The following CNTNAP2 variants were observed in gnomAD, a reference collection of about 807,000 sequenced individuals.
The protein encoded by CNTNAP2 is contactin-associated protein-like 2.
In CNTNAP2, 98 loss-of-function variants were observed where a neutral mutation model predicts 155.2. The observed-to-expected ratio is 0.63, with a 90% CI of 0.54 to 0.75. The LOEUF is 0.75. CNTNAP2 is among the 30% of genes least tolerant of loss of function. The pLI is 0.00. For synonymous variants in CNTNAP2, 651 were observed against 631.2 expected, an observed-to-expected ratio of 1.03 and a Z score of -0.47; for missense variants, 1,727 against 1,688.1, an observed-to-expected ratio of 1.02 and a Z score of -0.40.
At chr7:147,453,584 A>T (rs1268980734) in intron 10 of CNTNAP2, among the ~76,000 whole-genome samples, 1 of 152,190 alleles carries the variant, frequency 6.6e-6, no homozygotes, top group Non-Finnish European at 1.5e-5. Context: ...TCTACATTTC[A>T]AAAGAGAATA....
chr7:148,413,404 ATATATAT>A (rs1563079431), intron 23 of CNTNAP2, among the ~76,000 whole-genome samples: 1,069 of 24,586 alleles, frequency 0.043, 198 homozygotes, highest in African/African-American at 0.11. Context: ...AAAAAAAAAT[ATATATAT>A]ATATATATAT....
At chr7:147,433,488 G>T (rs1797498614) in intron 10 of CNTNAP2, among the ~76,000 whole-genome samples, 1 of 152,146 alleles carries the variant, frequency 6.6e-6, no homozygotes, top group Non-Finnish European at 1.5e-5. Context: ...CAACTTCTTG[G>T]TGATAAGAGT....
intron 22 of CNTNAP2, among the ~76,000 whole-genome samples, chr7:148,406,040 GGAT>G (rs1563076090): frequency 6.6e-6 from 1 of 151,938 alleles, no homozygotes; most frequent in East Asian, 2.0e-4. Context: ...AGACCATCTT[GGAT>G]AACACGGTGA....
chr7:146,911,422 A>G (rs887925884), intron 3 of CNTNAP2, among the ~76,000 whole-genome samples: 79 of 152,018 alleles, frequency 5.2e-4, no homozygotes, highest in Admixed American at 4.9e-3. Context: ...TCCAACAATG[A>G]TAGACTGGAT....
At chr7:146,939,404 A>G (rs991115611) in intron 3 of CNTNAP2, among the ~76,000 whole-genome samples, 2 of 152,198 alleles carry the variant, frequency 1.3e-5, no homozygotes, top group African/African-American at 4.8e-5. Context: ...CCTCTCATCC[A>G]TTTGTGAGCA....
chr7:146,829,321 T>C (rs900096300), intron 2 of CNTNAP2, among the ~76,000 whole-genome samples: 1 of 151,986 alleles, frequency 6.6e-6, no homozygotes, highest in African/African-American at 2.4e-5. Flanking sequence ...TGTCTGGATA[T>C]TATCAGCACT....
intron 3 of CNTNAP2, among the ~76,000 whole-genome samples, chr7:146,906,309 G>C (rs1796125181): frequency 6.6e-6 from 1 of 152,230 alleles, no homozygotes; most frequent in Admixed American, 6.5e-5. Flanking sequence ...CACAGCTCAA[G>C]GAGGCCTGGC....
intron 9 of CNTNAP2, among the ~76,000 whole-genome samples, chr7:147,347,440 GCATATA>G (rs1795888306): frequency 4.6e-5 from 1 of 21,526 alleles, no homozygotes. Flanking sequence ...ATATATATAT[GCATATA>G]TATATATATG....
At chr7:146,898,544 G>A (rs1049571033) in intron 3 of CNTNAP2, among the ~76,000 whole-genome samples, 6 of 151,616 alleles carry the variant, frequency 4.0e-5, no homozygotes, top group Non-Finnish European at 8.8e-5. Flanking sequence ...TAAGGAAATG[G>A]CATCTATTGT....
chr7:148,342,268 A>G (rs893227361), intron 21 of CNTNAP2, among the ~76,000 whole-genome samples: 1 of 152,216 alleles, frequency 6.6e-6, no homozygotes, highest in Non-Finnish European at 1.5e-5. Context: ...TGCCACTTTC[A>G]TCATTTTAAA....
chr7:146,659,311 C>T (rs1205971114), intron 1 of CNTNAP2, among the ~76,000 whole-genome samples: 1 of 152,114 alleles, frequency 6.6e-6, no homozygotes, highest in African/African-American at 2.4e-5. Context: ...AGGTTAATAT[C>T]TATAAGTACT....
chr7:148,349,521 T>C (rs1182753778), intron 21 of CNTNAP2, among the ~76,000 whole-genome samples: 1 of 151,216 alleles, frequency 6.6e-6, no homozygotes, highest in East Asian at 2.0e-4. Flanking sequence ...CCTGCCTCAG[T>C]CTCCCGAGTA....
chr7:147,757,960 A>C (rs1797237609), intron 13 of CNTNAP2, among the ~76,000 whole-genome samples: 1 of 152,242 alleles, frequency 6.6e-6, no homozygotes, highest in Admixed American at 6.5e-5. Context: ...TGAAAAACAA[A>C]CATGCAACTC....
intron 21 of CNTNAP2, among the ~76,000 whole-genome samples, chr7:148,354,476 TG>T (rs943630939): frequency 9.9e-5 from 15 of 152,148 alleles, no homozygotes; most frequent in Admixed American, 9.8e-4. Context: ...AGCACATAGG[TG>T]TGACAGCGGA....
intron 12 of CNTNAP2, among the ~76,000 whole-genome samples, chr7:147,623,893 C>A (rs942400247): frequency 6.6e-6 from 1 of 152,022 alleles, no homozygotes; most frequent in Non-Finnish European, 1.5e-5. Flanking sequence ...ACCAAAACAG[C>A]ATGGTACAGC....
intron 1 of CNTNAP2, among the ~76,000 whole-genome samples, chr7:146,545,185 C>T (rs768415025): frequency 5.3e-5 from 8 of 151,766 alleles, no homozygotes; most frequent in Non-Finnish European, 8.8e-5. Context: ...TTAGCCCTTG[C>T]ATTTTATTCA....
intron 13 of CNTNAP2, among the ~76,000 whole-genome samples, chr7:147,772,516 A>ATT (rs1171036033): frequency 4.6e-5 from 6 of 129,484 alleles, no homozygotes; most frequent in African/African-American, 1.7e-4. Flanking sequence ...AAAAGAGGTG[A>ATT]TTTTTTTCCT....
chr7:147,654,957 C>T (rs954979625), intron 13 of CNTNAP2, among the ~76,000 whole-genome samples: 5 of 150,880 alleles, frequency 3.3e-5, no homozygotes, highest in Admixed American at 3.3e-4. Flanking sequence ...GCTGGGATTA[C>T]AGGTGCCCGT....
intron 4 of CNTNAP2, among the ~76,000 whole-genome samples, chr7:147,068,397 G>T (rs191304266): frequency 6.6e-6 from 1 of 152,014 alleles, no homozygotes; most frequent in East Asian, 1.9e-4. Flanking sequence ...TTGCTCTGTC[G>T]CCCAGGCTGA....
Sources: gnomAD v4.1 joint callset for allele counts (sites outside exome capture counted in the v4.1 genomes callset) on GRCh38, gnomAD v4.1.1 for gene constraint, MANE v1.5 for transcripts, NCBI Gene and HGNC (gene_info 2026-07-23, HGNC 2026-07-21) for gene names.